The following CCDC62 variants were observed in gnomAD, a reference collection of about 807,000 sequenced individuals.
CCDC62 encodes the protein coiled-coil domain-containing protein 62.
Under a neutral mutation model 80.8 loss-of-function variants are expected in CCDC62, and 72 were observed. The observed-to-expected ratio is 0.89, with a 90% confidence interval of 0.74 to 1.08. The LOEUF (loss-of-function observed/expected upper bound fraction) is 1.08. CCDC62 is among the 50% of genes least tolerant of loss of function. The pLI, the probability that CCDC62 is intolerant of heterozygous loss-of-function variation, is 0.00. For missense variants in CCDC62, 704 were observed against 809.4 expected, an observed-to-expected ratio of 0.87 and a Z score of 1.58; for synonymous variants, 286 against 296.5, an observed-to-expected ratio of 0.96 and a Z score of 0.36.
intron 2 of CCDC62, among the ~76,000 whole-genome samples, chr12:122,780,793 A>G (rs2135529193): frequency 6.6e-6 from 1 of 152,316 alleles, no homozygotes; most frequent in African/African-American, 2.4e-5. Flanking sequence ...CAAAAAAAGC[A>G]AACAGAAGAA....
chr12:122,805,510 T>C (rs1403202071), intron 9 of CCDC62, among the ~76,000 whole-genome samples: 20 of 7,094 alleles, frequency 2.8e-3, no homozygotes, highest in Non-Finnish European at 2.4e-3. Context: ...CACCCAGCTC[T>C]TTTTTTTTTT....
chr12:122,777,459 T>C (rs753473952), intron 1 of CCDC62, 32 bp from the exon 2 acceptor site: 1 of 1,561,234 alleles, frequency 6.4e-7, no homozygotes, highest in South Asian at 1.2e-5. Context: ...GATTTCATTC[T>C]ATTTTGATGT....
intron 11 of CCDC62, among the ~76,000 whole-genome samples, chr12:122,822,786 G>A (rs1024213350): frequency 6.6e-5 from 10 of 151,706 alleles, no homozygotes; most frequent in African/African-American, 9.7e-5. Flanking sequence ...GTTCATCCAC[G>A]CTGTTGCAAA....
rs750418742 is a variant in CCDC62 at position 122,797,346 on chromosome 12, C to A, written c.812C>A (p.Ala271Glu). 5 of 1,596,838 alleles carry A rather than the reference C, an allele frequency of 3.1e-6. No individual in the cohort carries two copies. The South Asian group carries it at 3.3e-5, about 11-fold the overall frequency. The change falls in exon 7 of 13, where the codon GCG becomes GAG. Residue 271 changes from alanine (A) to glutamate (E), a missense_variant. Transcript: ENST00000253079. ...AGGAAAGATGAATTGCTTAATATTG[C>A]GAAGTCAAAGCAAGAACGCACAAAT... ...EKRKDELLNIAKSKQERTNSE... is the reference protein window; with the variant it reads ...EKRKDELLNIEKSKQERTNSE...
At chr12:122,807,718 C>T (rs1293223214) in intron 10 of CCDC62, among the ~76,000 whole-genome samples, 159 of 152,158 alleles carry the variant, frequency 1.0e-3, no homozygotes, top group Non-Finnish European at 1.8e-3. Context: ...CTAATAGTGA[C>T]ACATTCATTA....
intron 1 of CCDC62, chr12:122,776,468 A>G (rs1441080527): frequency 6.6e-6 from 1 of 152,262 alleles, no homozygotes; most frequent in Non-Finnish European, 1.5e-5. Context: ...TTTTTAACCA[A>G]TAATGAAAAG....
At chr12:122,797,892 T>C (rs2031058467) in intron 7 of CCDC62, among the ~76,000 whole-genome samples, 193 bp from the exon 8 acceptor site, 1 of 152,156 alleles carries the variant, frequency 6.6e-6, no homozygotes, top group Admixed American at 6.6e-5. Flanking sequence ...GATCAAAGGC[T>C]GGGAGCCCAG....
chr12:122,811,958 A>G (rs188408474), intron 10 of CCDC62, among the ~76,000 whole-genome samples: 4 of 151,988 alleles, frequency 2.6e-5, no homozygotes, highest in Admixed American at 2.6e-4. Context: ...GCACATACCC[A>G]CATATTTTTC....
chr12:122,811,267 A>G (rs1343914285), intron 10 of CCDC62, among the ~76,000 whole-genome samples: 30 of 135,756 alleles, frequency 2.2e-4, no homozygotes, highest in African/African-American at 7.7e-4. Flanking sequence ...GCTGGAGTGC[A>G]ATGGCACGAT....
chr12:122,785,502 A>T (rs909182399), intron 3 of CCDC62, among the ~76,000 whole-genome samples: 2 of 152,234 alleles, frequency 1.3e-5, no homozygotes, highest in Non-Finnish European at 2.9e-5. Flanking sequence ...AGAGAAATAT[A>T]TATTTGTATT....
chr12:122,812,366 C>T (rs1208489116), intron 10 of CCDC62, among the ~76,000 whole-genome samples: 2 of 149,044 alleles, frequency 1.3e-5, no homozygotes, highest in Non-Finnish European at 3.0e-5. Context: ...CACTTGAACC[C>T]GGGAGGTGGA....
intron 8 of CCDC62, among the ~76,000 whole-genome samples, chr12:122,799,100 T>A (rs964090768): frequency 6.6e-6 from 1 of 151,962 alleles, no homozygotes; most frequent in African/African-American, 2.4e-5. Context: ...AAATAAATAA[T>A]AAATAAATAC....
chr12:122,777,434 G>A, intron 1 of CCDC62, 57 bp from the exon 2 acceptor site: 1 of 1,456,914 alleles, frequency 6.9e-7, no homozygotes, highest in African/African-American at 1.4e-5. Context: ...AATGGACTTT[G>A]GCTGATTTGT....
At chr12:122,794,299 A>G (rs2030806264) in intron 6 of CCDC62, among the ~76,000 whole-genome samples, 1 of 152,050 alleles carries the variant, frequency 6.6e-6, no homozygotes, top group South Asian at 2.1e-4. Context: ...GGCTCAAGTG[A>G]TCCTCCCACC....
chr12:122,798,126 C>A lies in CCDC62; in HGVS notation c.903C>A (p.Phe301Leu). ...KQQSDLQFLN[F>L]NVENSQELIQ... Reference sequence around the variant, plus strand: ...AGAGTGATCTGCAGTTTCTTAATTTCAATGTGGAAAATTCTCAGGAATTAA... The same window carrying A: ...AGAGTGATCTGCAGTTTCTTAATTTAAATGTGGAAAATTCTCAGGAATTAA... Residue 301 changes from phenylalanine (F) to leucine (L), a missense_variant, in exon 8 of 13, where the codon TTC becomes TTA. By Grantham distance (22) the Phe-to-Leu change is conservative (BLOSUM62 0). Coordinates refer to ENST00000253079, the MANE Select transcript of CCDC62 (RefSeq NM_201435.5). 6.3e-7 allele frequency: 1 copy of A among 1,590,540 alleles called. No homozygotes were observed. The highest frequency in any genetic ancestry group is 8.6e-7 in the Non-Finnish European group (1 of 1,158,948).
Position 122,801,162 on chromosome 12 carries a change from CA to C in CCDC62, c.1020del (p.Val341SerfsTer52). The C allele has an allele frequency of 1.2e-6, 2 of 1,612,988 alleles. No homozygotes were observed. The highest frequency in any genetic ancestry group is 1.7e-6 in the Non-Finnish European group (2 of 1,179,754). On this transcript the variant is annotated frameshift_variant, in exon 9 of 13. Coordinates refer to ENST00000253079, the MANE Select transcript of CCDC62 (RefSeq NM_201435.5). LOFTEE classifies it high-confidence loss of function. The stretch of plus-strand genomic sequence containing the variant: ...TTATCAGACCTTGAAAATAACCACC[CA>C]AAAGTCGATATTAAGAGGGAAAAAA... ...MCLSDLENNH[P>X]KVDIKREKNQ... is the part of the protein sequence containing the mutation.
chr12:122,821,552 C>T (rs559409619), intron 11 of CCDC62, among the ~76,000 whole-genome samples: 36 of 152,256 alleles, frequency 2.4e-4, no homozygotes, highest in African/African-American at 7.2e-4. Flanking sequence ...CAGGCTCCAG[C>T]GGTCCTCCCA....
chr12:122,812,208 C>T (rs548813763), intron 10 of CCDC62, among the ~76,000 whole-genome samples: 14 of 151,948 alleles, frequency 9.2e-5, no homozygotes, highest in East Asian at 1.9e-4. Context: ...TGTGGGAGTT[C>T]GAGGCGGATG....
At chr12:122,780,911 G>C (rs1017830561) in intron 2 of CCDC62, among the ~76,000 whole-genome samples, 1 of 152,170 alleles carries the variant, frequency 6.6e-6, no homozygotes, top group African/African-American at 2.4e-5. Context: ...ATTACTCTAA[G>C]ATCAGGGTCA....
Sources: allele counts gnomAD v4.1 joint callset (sites outside exome capture counted in the v4.1 genomes callset), GRCh38; gene constraint gnomAD v4.1.1; transcripts MANE v1.5; gene names NCBI Gene and HGNC (gene_info 2026-07-23, HGNC 2026-07-21).